ZHX2: variants seen among roughly 807,000 people sequenced by gnomAD.
ZHX2 encodes zinc fingers and homeoboxes 2, also known as zinc fingers and homeoboxes protein 2.
In ZHX2, 6 loss-of-function variants were observed where a neutral mutation model predicts 21.9. The ratio of observed to expected loss-of-function variants is 0.27; its 90% CI spans 0.15 to 0.54. The LOEUF is 0.54. Among genes scored for constraint, ZHX2 ranks in the 20% least tolerant of loss-of-function variants. The pLI, the probability that ZHX2 is intolerant of heterozygous loss-of-function variation, is 0.95. For synonymous variants in ZHX2, 434 were observed against 437.1 expected (o/e 0.99, Z 0.09); for missense variants, 908 against 1,090.7 (o/e 0.83, Z 2.36).
At chr8:122,809,697 T>C (rs1369447801) in intron 1 of ZHX2, among the ~76,000 whole-genome samples, 4 of 152,088 alleles carry the variant, frequency 2.6e-5, no homozygotes, top group Non-Finnish European at 4.4e-5. Flanking sequence ...GCCCCACTTG[T>C]CACGCGTGGG....
chr8:122,965,457 T>C (rs1394525990), intron 3 of ZHX2, among the ~76,000 whole-genome samples: 1 of 152,218 alleles, frequency 6.6e-6, no homozygotes, highest in Non-Finnish European at 1.5e-5. Flanking sequence ...TTGTATAATT[T>C]TGACTGTTCC....
chr8:122,850,007 A>C (rs960250253), intron 1 of ZHX2, among the ~76,000 whole-genome samples: 1 of 152,130 alleles, frequency 6.6e-6, no homozygotes, highest in South Asian at 2.1e-4. Context: ...CAAACTTAAC[A>C]CGTCTAAAAT....
chr8:122,952,972 A>G lies in ZHX2; in HGVS notation c.1462A>G (p.Ser488Gly). 3 of 1,613,960 alleles carry G rather than the reference A, an allele frequency of 1.9e-6. No homozygotes were observed. The highest frequency in any genetic ancestry group is 2.5e-6 in the Non-Finnish European group (3 of 1,179,996). The change falls in exon 3 of 4, where the codon AGT becomes GGT. Residue 488 changes from serine (S) to glycine (G), a missense_variant. Around this residue, in one of 4 missense-constraint regions of ZHX2, gnomAD observed 232 missense variants for 361.8 expected, o/e 0.64. Coordinates refer to ENST00000314393, the MANE Select transcript of ZHX2 (RefSeq NM_014943.5). This position sits in a 1 kb window ranked among gnomAD's most constrained non-coding sequence, Gnocchi z 6.9. ...LARSEIKKWF[S>G]DHRYRCQRGI... ...CAGGAGCGAGATCAAGAAGTGGTTCAGTGACCACCGATATCGGTGTCAAAG... is the reference window on the plus strand; with the variant it reads ...CAGGAGCGAGATCAAGAAGTGGTTCGGTGACCACCGATATCGGTGTCAAAG...
At chr8:122,911,062 G>T (rs577292784) in intron 2 of ZHX2, among the ~76,000 whole-genome samples, 1 of 152,192 alleles carries the variant, frequency 6.6e-6, no homozygotes, top group Non-Finnish European at 1.5e-5. Flanking sequence ...CATAGTGAAA[G>T]CAAGTATGAC....
intron 1 of ZHX2, among the ~76,000 whole-genome samples, chr8:122,807,424 A>C (rs996861394): frequency 1.3e-5 from 2 of 152,228 alleles, no homozygotes; most frequent in Admixed American, 1.3e-4. Context: ...AAGCAAAAAC[A>C]GTGTCATCAG....
chr8:122,860,145 G>A (rs1231760312), intron 1 of ZHX2, among the ~76,000 whole-genome samples: 3 of 152,228 alleles, frequency 2.0e-5, no homozygotes, highest in South Asian at 4.1e-4. Flanking sequence ...GCAGGAAGGA[G>A]ACGCAGTGAG....
chr8:122,782,750 C>A lies in ZHX2; in HGVS notation c.-283+804C>A, dbSNP rs917050096. Among the ~76,000 whole-genome samples the A allele has an allele frequency of 7.9e-5, 12 of 152,174 alleles. No homozygotes were observed. The highest frequency in any genetic ancestry group is 5.2e-4 in the Admixed American group (8 of 15,296). On this transcript the variant is annotated intron_variant, in intron 1 of 3. Coordinates refer to ENST00000314393, the MANE Select transcript of ZHX2 (RefSeq NM_014943.5). The surrounding 1 kb of genome is among the most constrained non-coding windows in gnomAD (Gnocchi z 5.3). ...CGCGGGGCGGGGGGCCGAGGGCGGCCGCGGGACCCCCGGCCCTGCTGTCCG... is the reference window on the plus strand; with the variant it reads ...CGCGGGGCGGGGGGCCGAGGGCGGCAGCGGGACCCCCGGCCCTGCTGTCCG...
intron 1 of ZHX2, among the ~76,000 whole-genome samples, chr8:122,830,979 G>C (rs1818361875): frequency 6.6e-6 from 1 of 152,176 alleles, no homozygotes; most frequent in African/African-American, 2.4e-5. Context: ...GGCCTGTAGG[G>C]TGTGTGGAGA....
At chr8:122,837,025 AC>A (rs1355260779) in intron 1 of ZHX2, among the ~76,000 whole-genome samples, 1 of 152,036 alleles carries the variant, frequency 6.6e-6, no homozygotes, top group Non-Finnish European at 1.5e-5. Flanking sequence ...GACCAGAGTG[AC>A]CCTCTGGTCA....
intron 2 of ZHX2, among the ~76,000 whole-genome samples, chr8:122,880,065 C>T (rs534439955): frequency 6.6e-6 from 1 of 151,638 alleles, no homozygotes; most frequent in South Asian, 2.1e-4. Flanking sequence ...CTCCACCTCC[C>T]GGGTTCAAGT....
chr8:122,873,520 G>A (rs1222873749), intron 2 of ZHX2, among the ~76,000 whole-genome samples: 2 of 152,218 alleles, frequency 1.3e-5, no homozygotes, highest in African/African-American at 2.4e-5. Flanking sequence ...ATCAGAGCGG[G>A]CATGCAGAGA....
At chr8:122,957,289 G>T (rs1813327958) in intron 3 of ZHX2, among the ~76,000 whole-genome samples, 1 of 110,294 alleles carries the variant, frequency 9.1e-6, no homozygotes, top group South Asian at 3.2e-4. Context: ...GGGACTAGCT[G>T]TGTTCACAAA....
At chr8:122,832,754 C>T (rs1043173941) in intron 1 of ZHX2, among the ~76,000 whole-genome samples, 3 of 152,098 alleles carry the variant, frequency 2.0e-5, no homozygotes, top group African/African-American at 7.2e-5. Flanking sequence ...GAGGGATATG[C>T]GGTCGGTTGT....
chr8:122,955,839 A>ATTTTTT (rs540333833), intron 3 of ZHX2, among the ~76,000 whole-genome samples: 4 of 104,924 alleles, frequency 3.8e-5, no homozygotes, highest in Non-Finnish European at 5.5e-5. Flanking sequence ...TGAGGGAGTG[A>ATTTTTT]TTTTTTTTTT....
chr8:122,819,367 C>T (rs142587876), intron 1 of ZHX2, among the ~76,000 whole-genome samples: 7 of 152,198 alleles, frequency 4.6e-5, no homozygotes, highest in Admixed American at 1.3e-4. Context: ...AGTAAGCATG[C>T]CAGCAGTCCA....
At chr8:122,919,699 C>T (rs1310036680) in intron 2 of ZHX2, among the ~76,000 whole-genome samples, 2 of 152,154 alleles carry the variant, frequency 1.3e-5, no homozygotes, top group Non-Finnish European at 2.9e-5. Context: ...GGTAGCATCC[C>T]GTTTTGCAGA....
At chr8:122,819,435 T>C (rs1586586594) in intron 1 of ZHX2, among the ~76,000 whole-genome samples, 2 of 152,276 alleles carry the variant, frequency 1.3e-5, no homozygotes, top group South Asian at 2.1e-4. Flanking sequence ...CAGGAGGAGA[T>C]ACAAAGATGG....
At chr8:122,885,425 C>T (rs117887703) in intron 2 of ZHX2, among the ~76,000 whole-genome samples, 9 of 152,034 alleles carry the variant, frequency 5.9e-5, no homozygotes, top group East Asian at 5.8e-4. Flanking sequence ...GCCATCGGGA[C>T]GGTGGACACC....
At chr8:122,918,900 A>T (rs1227797319) in intron 2 of ZHX2, among the ~76,000 whole-genome samples, 1 of 151,460 alleles carries the variant, frequency 6.6e-6, no homozygotes, top group Admixed American at 6.6e-5. Context: ...GTGAGCCGAG[A>T]TCACGCCACT....
Sources: gnomAD v4.1 joint callset for allele counts (sites outside exome capture counted in the v4.1 genomes callset) on GRCh38, gnomAD v4.1.1 for gene constraint, gnomAD v4.1.1 regional missense constraint, Gnocchi (gnomAD v3.1) non-coding constraint, MANE v1.5 for transcripts, NCBI Gene and HGNC (gene_info 2026-07-23, HGNC 2026-07-21) for gene names.